Variants in SEMA6D observed in about 807,000 individuals in gnomAD.
SEMA6D encodes the protein semaphorin-6D.
In SEMA6D, 35 loss-of-function variants were observed where a neutral mutation model predicts 106.6. That is an observed-to-expected ratio of 0.33 (90% CI 0.25 to 0.44). The LOEUF (loss-of-function observed/expected upper bound fraction) is 0.44, where lower values mean the gene tolerates loss of function less well. SEMA6D is among the 20% of genes least tolerant of loss of function. The pLI, the probability that SEMA6D is intolerant of heterozygous loss-of-function variation, is 1.00. For synonymous variants in SEMA6D, 499 were observed against 487.7 expected (o/e 1.02, Z -0.31); for missense variants, 1,185 against 1,345.9 (o/e 0.88, Z 1.87).
At chr15:47,565,920 TC>T (rs1203008640) in intron 3 of SEMA6D, among the ~76,000 whole-genome samples, 1 of 152,256 alleles carries the variant, frequency 6.6e-6, no homozygotes, top group Non-Finnish European at 1.5e-5. Context: ...TTAATTTTTT[TC>T]CTTAGTTTAC....
At chr15:47,347,152 C>T (rs1371914475) in intron 1 of SEMA6D, among the ~76,000 whole-genome samples, 2 of 152,176 alleles carry the variant, frequency 1.3e-5, no homozygotes, top group Non-Finnish European at 2.9e-5. Flanking sequence ...AGGAGATCCG[C>T]CCGCCTCAGC....
intron 3 of SEMA6D, among the ~76,000 whole-genome samples, chr15:47,564,038 AT>A (rs1005915212): frequency 1.3e-5 from 2 of 152,228 alleles, no homozygotes; most frequent in African/African-American, 4.8e-5. Context: ...CCACCATTTA[AT>A]TATGAGTTCA....
At chr15:47,400,957 G>A (rs572792801) in intron 1 of SEMA6D, among the ~76,000 whole-genome samples, 3 of 152,322 alleles carry the variant, frequency 2.0e-5, no homozygotes, top group Middle Eastern at 3.4e-3. Context: ...AGAGCCAGAT[G>A]TCTGGGTTTG....
At chr15:47,544,718 T>C (rs897270698) in intron 3 of SEMA6D, among the ~76,000 whole-genome samples, 3 of 150,792 alleles carry the variant, frequency 2.0e-5, no homozygotes. Context: ...AATGGGTTGC[T>C]CCCATGTGTG....
At chr15:47,284,229 T>C (rs946349221) in intron 1 of SEMA6D, among the ~76,000 whole-genome samples, 1 of 152,222 alleles carries the variant, frequency 6.6e-6, no homozygotes, top group Non-Finnish European at 1.5e-5. Context: ...TGCCAGAAGA[T>C]GTGCTTGAAC....
chr15:47,716,674 T>C (rs546612414), upstream of SEMA6D, among the ~76,000 whole-genome samples: 5 of 152,278 alleles, frequency 3.3e-5, no homozygotes, highest in South Asian at 6.2e-4. Context: ...ACTTTTTTTT[T>C]CCTTTCATTT....
intron 2 of SEMA6D, among the ~76,000 whole-genome samples, chr15:47,434,098 CTAAG>C (rs2041625057): frequency 6.6e-6 from 1 of 152,046 alleles, no homozygotes; most frequent in Non-Finnish European, 1.5e-5. Flanking sequence ...TGACAACCAT[CTAAG>C]TAAGAGATGT....
intron 12 of SEMA6D, 34 bp from the exon 13 acceptor site, chr15:47,764,849 C>G (rs1214552599): frequency 1.2e-6 from 2 of 1,613,414 alleles, no homozygotes; most frequent in South Asian, 1.1e-5. Context: ...GCCCGTTGGC[C>G]TCCCCTTCTG....
At chr15:47,250,437 C>T (rs1345889173) in intron 1 of SEMA6D, among the ~76,000 whole-genome samples, 1 of 150,286 alleles carries the variant, frequency 6.7e-6, no homozygotes, top group Non-Finnish European at 1.5e-5. Flanking sequence ...TTTAGCAAAT[C>T]CTGAAGAAAG....
chr15:47,293,041 A>G (rs559345245), intron 1 of SEMA6D, among the ~76,000 whole-genome samples: 4 of 152,202 alleles, frequency 2.6e-5, no homozygotes, highest in East Asian at 1.9e-4. Flanking sequence ...ACTGAATCCA[A>G]TATTGGAGTA....
chr15:47,248,594 A>G (rs909379487), intron 1 of SEMA6D, among the ~76,000 whole-genome samples: 1 of 152,252 alleles, frequency 6.6e-6, no homozygotes, highest in African/African-American at 2.4e-5. Context: ...TTCTAGAGAG[A>G]TATTAATTCT....
intron 4 of SEMA6D, among the ~76,000 whole-genome samples, chr15:47,684,270 A>T (rs185169647): frequency 7.2e-5 from 11 of 152,244 alleles, no homozygotes; most frequent in Admixed American, 5.9e-4. Context: ...CGACAATTAT[A>T]AAAAAATTAA....
chr15:47,315,410 C>T lies in SEMA6D; in HGVS notation c.-238-96983C>T, dbSNP rs527741840. 3.3e-5 allele frequency among the ~76,000 whole-genome samples: 5 copies of T among 152,094 alleles called. No individual in the cohort carries two copies. The East Asian group carries it at 5.8e-4, about 18-fold the overall frequency. On this transcript the variant is annotated intron_variant, in intron 1 of 19. Coordinates refer to the SEMA6D transcript ENST00000558014. Reference sequence around the variant, plus strand: ...GTCAAAGACCAGCTGACTACATTTACGGGGGTCTATTTCTGGACTCTCTAT... The same window carrying T: ...GTCAAAGACCAGCTGACTACATTTATGGGGGTCTATTTCTGGACTCTCTAT...
upstream of SEMA6D, among the ~76,000 whole-genome samples, chr15:47,713,825 T>A (rs1021379513): frequency 6.6e-6 from 1 of 152,208 alleles, no homozygotes; most frequent in Non-Finnish European, 1.5e-5. Flanking sequence ...GAACAAACAT[T>A]TATTGCAAAC....
At chr15:47,257,815 T>C (rs181028752) in intron 1 of SEMA6D, among the ~76,000 whole-genome samples, 120 of 152,332 alleles carry the variant, frequency 7.9e-4, no homozygotes, top group Non-Finnish European at 9.7e-4. Flanking sequence ...GATTGTGTTC[T>C]TCAGATCATC....
At chr15:47,762,390 C>A in intron 8 of SEMA6D, 71 bp downstream of exon 8, 1 of 1,552,320 alleles carries the variant, frequency 6.4e-7, no homozygotes, top group Non-Finnish European at 8.8e-7. Context: ...GCAGCCACGG[C>A]CATCAAGAGG....
intron 1 of SEMA6D, among the ~76,000 whole-genome samples, chr15:47,360,933 C>T (rs2038782103): frequency 6.6e-6 from 1 of 152,210 alleles, no homozygotes; most frequent in African/African-American, 2.4e-5. Flanking sequence ...ACCAGCCAAC[C>T]TGGATTTGGG....
At chr15:47,414,130 A>C (rs1327750451) in intron 2 of SEMA6D, among the ~76,000 whole-genome samples, 1 of 152,234 alleles carries the variant, frequency 6.6e-6, no homozygotes, top group African/African-American at 2.4e-5. Context: ...GATACCTGGA[A>C]GTGATGATAT....
intron 7 of SEMA6D, among the ~76,000 whole-genome samples, chr15:47,761,976 GCC>G (rs1038109689): frequency 1.3e-5 from 2 of 152,100 alleles, no homozygotes; most frequent in African/African-American, 4.8e-5. Context: ...TAGGCCAGTG[GCC>G]CCCGATAAGT....
Sources: gnomAD v4.1 joint callset for allele counts (sites outside exome capture counted in the v4.1 genomes callset) on GRCh38, gnomAD v4.1.1 for gene constraint, MANE v1.5 for transcripts, NCBI Gene and HGNC (gene_info 2026-07-23, HGNC 2026-07-21) for gene names.